The following GALNT13 variants were observed in gnomAD, a reference collection of about 807,000 sequenced individuals.
GALNT13 encodes UDP-GalNAc:polypeptide N-acetylgalactosaminyltransferase 13.
Under a neutral mutation model 64.2 loss-of-function variants are expected in GALNT13, and 28 were observed. The observed-to-expected ratio is 0.44, with a 90% CI of 0.32 to 0.60. The LOEUF (loss-of-function observed/expected upper bound fraction) is 0.60. Among genes scored for constraint, GALNT13 ranks in the 20% least tolerant of loss-of-function variants. The pLI, the probability that GALNT13 is intolerant of heterozygous loss-of-function variation, is 0.05. For synonymous variants in GALNT13, 214 were observed against 224.6 expected (o/e 0.95, Z 0.42); for missense variants, 577 against 669.8 (o/e 0.86, Z 1.53).
chr2:154,314,395 A>G (rs1280993440), intron 9 of GALNT13, among the ~76,000 whole-genome samples: 1 of 152,138 alleles, frequency 6.6e-6, no homozygotes, highest in Non-Finnish European at 1.5e-5. Flanking sequence ...AAGTCCCCCA[A>G]ATTAGATACT....
At chr2:153,370,524 A>G in the GALNT13 span, 1 of 152,180 alleles carries the variant, frequency 6.6e-6, no homozygotes, top group East Asian at 1.9e-4. Flanking sequence ...AAATCTATCA[A>G]TATCATGAAT....
chr2:153,376,079 C>G, the GALNT13 span, among the ~76,000 whole-genome samples: 4 of 152,092 alleles, frequency 2.6e-5, no homozygotes, highest in African/African-American at 9.7e-5. Context: ...AAGGATCTGT[C>G]CCTATGACCC....
At chr2:153,862,021 C>G in the GALNT13 span, among the ~76,000 whole-genome samples, 1 of 152,018 alleles carries the variant, frequency 6.6e-6, no homozygotes, top group Non-Finnish European at 1.5e-5. Flanking sequence ...CACTCTAATC[C>G]CAAAAGATAA....
intron 4 of GALNT13, among the ~76,000 whole-genome samples, chr2:154,198,208 A>C (rs992528903): frequency 2.6e-5 from 4 of 152,094 alleles, no homozygotes; most frequent in Non-Finnish European, 4.4e-5. Context: ...TGCATAGAAA[A>C]AACACATTTA....
the GALNT13 span, among the ~76,000 whole-genome samples, chr2:153,335,551 A>G: frequency 1.3e-5 from 2 of 152,176 alleles, no homozygotes; most frequent in Non-Finnish European, 2.9e-5. Flanking sequence ...ATCTTGAGAG[A>G]GATGATTTAG....
the GALNT13 span, among the ~76,000 whole-genome samples, chr2:153,106,956 C>A: frequency 7.2e-5 from 11 of 152,054 alleles, 1 homozygote; most frequent in Non-Finnish European, 1.6e-4. Flanking sequence ...ATTGCCTGAG[C>A]TGCATTTTGT....
the GALNT13 span, among the ~76,000 whole-genome samples, chr2:153,447,262 G>T: frequency 6.6e-6 from 1 of 152,188 alleles, no homozygotes; most frequent in South Asian, 2.1e-4. Flanking sequence ...AAGAGGCCAG[G>T]ATAGCACTGG....
chr2:153,280,784 A>G, the GALNT13 span, among the ~76,000 whole-genome samples: 2 of 152,230 alleles, frequency 1.3e-5, no homozygotes, highest in East Asian at 1.9e-4. Flanking sequence ...ATAGCCAAAC[A>G]TGTGGTCACT....
intron 3 of GALNT13, among the ~76,000 whole-genome samples, chr2:154,025,895 G>A (rs1305278219): frequency 6.6e-6 from 1 of 152,116 alleles, no homozygotes; most frequent in Non-Finnish European, 1.5e-5. Context: ...ATAAATGAGA[G>A]GAGGATACAT....
At chr2:153,181,035 T>TTTTTTTTTC in the GALNT13 span, among the ~76,000 whole-genome samples, 695 of 139,184 alleles carry the variant, frequency 5.0e-3, 6 homozygotes, top group Non-Finnish European at 8.5e-3. Flanking sequence ...TGTTTCTTTT[T>TTTTTTTTTC]TTTTTTTTTT....
rs369702687 is a variant in GALNT13, at chr2:153,962,894, A to G, written c.142+18255A>G. On this transcript the variant is annotated intron_variant, in intron 3 of 12. Transcript: ENST00000392825. ...CAAATCTTAAAAGTTGAATTGTACT[A>G]CTCAGCATAAGTGTTTTGAGATTAA... Among the ~76,000 whole-genome samples, 4 of 152,252 alleles carry G rather than the reference A, an allele frequency of 2.6e-5. No homozygotes were observed. In the East Asian group the frequency reaches 5.8e-4, roughly 22 times the overall value.
chr2:154,245,104 A>AAAATAAT (rs1689706917), intron 6 of GALNT13, among the ~76,000 whole-genome samples: 4 of 137,788 alleles, frequency 2.9e-5, no homozygotes, highest in Admixed American at 7.5e-5. Context: ...AGGCTCTGTC[A>AAAATAAT]AAATAAATAA....
chr2:153,984,312 T>C (rs1212051602), intron 3 of GALNT13, among the ~76,000 whole-genome samples: 3 of 151,776 alleles, frequency 2.0e-5, no homozygotes, highest in Admixed American at 2.0e-4. Flanking sequence ...ACAGTCATTA[T>C]GTGTGCAATC....
intron 9 of GALNT13, among the ~76,000 whole-genome samples, chr2:154,362,522 G>A (rs1697133441): frequency 6.6e-6 from 1 of 151,516 alleles, no homozygotes; most frequent in Non-Finnish European, 1.5e-5. Context: ...GTGTAGAGAG[G>A]TCCCATTCAT....
the GALNT13 span, among the ~76,000 whole-genome samples, chr2:153,075,935 G>A: frequency 6.6e-6 from 1 of 151,908 alleles, no homozygotes; most frequent in Admixed American, 6.6e-5. Flanking sequence ...TCACTACATA[G>A]AAAAGATATA....
chr2:153,401,333 G>T, the GALNT13 span, among the ~76,000 whole-genome samples: 3 of 151,870 alleles, frequency 2.0e-5, no homozygotes, highest in East Asian at 5.8e-4. Context: ...GCTGAGGAGA[G>T]CTTTACTTCC....
intron 4 of GALNT13, among the ~76,000 whole-genome samples, chr2:154,228,077 C>A (rs1559036904): frequency 6.6e-6 from 1 of 151,994 alleles, no homozygotes. Flanking sequence ...TTTGATGAAT[C>A]CAATTTTTCT....
chr2:154,061,559 C>T (rs1397371596), intron 3 of GALNT13, among the ~76,000 whole-genome samples: 2 of 152,058 alleles, frequency 1.3e-5, no homozygotes, highest in Admixed American at 6.6e-5. Context: ...AAAGTTTTTT[C>T]ACTCCTCCCT....
At chr2:153,468,643 T>G in the GALNT13 span, among the ~76,000 whole-genome samples, 1 of 152,244 alleles carries the variant, frequency 6.6e-6, no homozygotes, top group Non-Finnish European at 1.5e-5. Flanking sequence ...GAGTTTTTGC[T>G]TTGGCATCTC....
Sources: allele counts gnomAD v4.1 joint callset (sites outside exome capture counted in the v4.1 genomes callset), GRCh38; gene constraint gnomAD v4.1.1; transcripts MANE v1.5; gene names NCBI Gene and HGNC (gene_info 2026-07-23, HGNC 2026-07-21).